Variants in ACTN3 observed in about 807,000 individuals in gnomAD.
ACTN3 encodes alpha-actinin-3.
ACTN3 carries 91 observed loss-of-function variants against 119.6 expected under a neutral mutation model. That is an observed-to-expected ratio of 0.76 (90% CI 0.64 to 0.91). ACTN3 has a LOEUF of 0.91. ACTN3 is among the 40% of genes least tolerant of loss of function. The pLI is 0.00. For synonymous variants in ACTN3, 456 were observed against 478.8 expected, an observed-to-expected ratio of 0.95 and a Z score of 0.62; for missense variants, 1,221 against 1,215.1, an observed-to-expected ratio of 1.00 and a Z score of -0.07.
chr11:66,561,679 G>A (rs767303814), intron 17 of ACTN3, 42 bp downstream of exon 17: 1 of 1,578,806 alleles, frequency 6.3e-7, no homozygotes, highest in African/African-American at 1.3e-5. Context: ...GGCAGCACTG[G>A]CTGAGGAGGC....
Position 66,554,091 on chromosome 11 carries a change from C to T in ACTN3, c.429C>T (p.Thr143=). The T allele has an allele frequency of 6.2e-7, 1 of 1,613,770 alleles. No individual in the cohort carries two copies. The highest frequency in any genetic ancestry group is 1.1e-5 in the South Asian group (1 of 91,050). ...NLKMTLGMIW[T]IILRFAIQDI... ...AGATGACCCTGGGCATGATCTGGAC[C>T]ATCATCCTTCGCTTCGCCATCCAGG... The change falls in exon 4 of 21, where the codon ACC becomes ACT. Residue 143 remains threonine, a synonymous_variant. Coordinates refer to ENST00000513398, the MANE Select transcript of ACTN3 (RefSeq NM_001104.4).
At chr11:66,561,940 AT>A in intron 17 of ACTN3, 81 bp from the exon 18 acceptor site, 6 of 1,516,522 alleles carry the variant, frequency 4.0e-6, no homozygotes, top group Non-Finnish European at 5.4e-6. Context: ...GCCCAGGGTC[AT>A]TCAGTGAACT....
At chr11:66,559,837 C>G in intron 12 of ACTN3, 131 bp from the exon 13 acceptor site, 1 of 929,848 alleles carries the variant, frequency 1.1e-6, no homozygotes, top group Non-Finnish European at 1.7e-6. Flanking sequence ...AAGCACCCAG[C>G]TTTACCCACC....
chr11:66,556,678 T>G (rs1242735415), intron 8 of ACTN3, among the ~76,000 whole-genome samples: 1 of 152,140 alleles, frequency 6.6e-6, no homozygotes, highest in African/African-American at 2.4e-5. Context: ...CTCAAGTAAC[T>G]CACCCACCTC....
intron 3 of ACTN3, among the ~76,000 whole-genome samples, chr11:66,552,718 A>G (rs1184436880): frequency 1.3e-5 from 2 of 151,822 alleles, no homozygotes; most frequent in African/African-American, 4.8e-5. Context: ...TTTGCTGGGC[A>G]TGGTGGCGCA....
In ACTN3 at chr11:66,562,454, A is replaced by T. The variant is rs1417506230; in HGVS notation, c.2388+132A>T. On this transcript the variant is annotated intron_variant, in intron 19 of 20. Transcript: ENST00000513398. ...CACTACATCCACACAGGGGCTAGCAAGGCTCAGGGAGGTAAAACTCACTTG... is the reference window on the plus strand; with the variant it reads ...CACTACATCCACACAGGGGCTAGCATGGCTCAGGGAGGTAAAACTCACTTG... The T allele has an allele frequency of 6.4e-6, 7 of 1,095,224 alleles. No homozygotes were observed. The African/African-American group carries it at 1.1e-4, about 17-fold the overall frequency. 67.8% of individuals were successfully genotyped at this position (1,095,224 alleles called of 1,614,324 possible).
rs1354852586 is a variant in ACTN3, at chr11:66,562,925, G to C, written c.2518G>C (p.Ala840Pro). ...GACTGACACGACTGAGCAAGTTGTAGCTTCCTTCAAGATCTTGGCAGGAGA... is the reference window on the plus strand; with the variant it reads ...GACTGACACGACTGAGCAAGTTGTACCTTCCTTCAAGATCTTGGCAGGAGA... ...AETDTTEQVV[A>P]SFKILAGDKN... Residue 840 changes from alanine to proline, a missense_variant, in exon 20 of 21, where the codon GCT (alanine) becomes CCT (proline). Ala to Pro is a conservative substitution (Grantham distance 27). Coordinates refer to ENST00000513398, the MANE Select transcript of ACTN3 (RefSeq NM_001104.4). 1 of 1,613,606 alleles carries C rather than the reference G, an allele frequency of 6.2e-7. No individual in the cohort carries two copies. The highest frequency in any genetic ancestry group is 8.5e-7 in the Non-Finnish European group (1 of 1,179,722).
rs1857739733 is a variant in ACTN3 at position 66,560,769 on chromosome 11, G to A, written c.1860+14G>A. On this transcript the variant is annotated intron_variant, in intron 15 of 20. Transcript: ENST00000513398. ...AAGTGGGATATGGTCAGTGCCACCTGCAGCCTTCCTCCCACCCCCTCCTGC... is the reference window on the plus strand; with the variant it reads ...AAGTGGGATATGGTCAGTGCCACCTACAGCCTTCCTCCCACCCCCTCCTGC... The A allele has an allele frequency of 1.3e-6, 2 of 1,595,672 alleles. No individual in the cohort carries two copies. Among genetic ancestry groups the A allele is most frequent in the Non-Finnish European group, 1.7e-6 (2 of 1,167,186 alleles).
intron 14 of ACTN3, 113 bp downstream of exon 14, chr11:66,560,424 C>T (rs1053511121): frequency 5.9e-5 from 88 of 1,484,716 alleles, no homozygotes; most frequent in Non-Finnish European, 7.7e-5. Flanking sequence ...AACCCCAGTT[C>T]CCGAGTGCTG....
rs566035397 is a variant in ACTN3 at position 66,555,435 on chromosome 11, C to T, written c.718+68C>T. 7.8e-4 allele frequency: 1,174 copies of T among 1,512,176 alleles called. 8 individuals are homozygous for T. Among genetic ancestry groups the T allele is most frequent in the Middle Eastern group, 5.1e-4 (3 of 5,828 alleles). 93.7% of individuals were successfully genotyped at this position (1,512,176 alleles called of 1,614,324 possible). On this transcript the variant is annotated intron_variant, in intron 7 of 20. Transcript: ENST00000513398. ...ACTGGGCCTGGTACAACCTCCACAC[C>T]TTTGCACGGCCCTTTCCTCCTCCTG...
At chr11:66,555,043 T>G in intron 5 of ACTN3, 87 bp from the exon 6 acceptor site, 1 of 1,193,352 alleles carries the variant, frequency 8.4e-7, no homozygotes, top group Non-Finnish European at 1.2e-6. Flanking sequence ...CAGATGAGGC[T>G]GTCCTTCTGG....
In ACTN3 at chr11:66,557,707, G is replaced by C. The variant is rs1168968221; in HGVS notation, c.906G>C (p.Glu302Asp). 1.2e-6 allele frequency: 2 copies of C among 1,610,546 alleles called. No homozygotes were observed. The highest frequency in any genetic ancestry group is 1.3e-5 in the African/African-American group (1 of 74,880). The change falls in exon 10 of 21, where the codon GAG becomes GAC. Residue 302 changes from glutamate to aspartate, a missense_variant. Around this residue, in one of 3 missense-constraint regions of ACTN3, gnomAD observed 934 missense variants for 899.9 expected, o/e 1.04. Coordinates refer to ENST00000513398, the MANE Select transcript of ACTN3 (RefSeq NM_001104.4). ...EYEKLASELL[E>D]WIRRTVPWLE... is the part of the protein sequence containing the mutation. ...CTGCCTGGCCCTGTCAGCTGCTGGA[G>C]TGGATCCGCCGCACTGTCCCATGGC...
At position 66,559,367 on chromosome 11, in the gene ACTN3, G is replaced by A. The variant is rs369615114; in HGVS notation, c.1408G>A (p.Ala470Thr). Residue 470 changes from alanine (A) to threonine (T), a missense_variant, in exon 12 of 21, where the codon GCG becomes ACG. By Grantham distance (58) the Ala-to-Thr change is moderately conservative. Around this residue, in one of 3 missense-constraint regions of ACTN3, gnomAD observed 934 missense variants for 899.9 expected, o/e 1.04. Transcript: ENST00000513398. ...CCAGGACCGCGTGGAGCACATTGCC[G>A]CGCTGGCCCAGGAGCTCAAGTAGGC... ...AHQDRVEHIAALAQELNELDY... is the reference protein window; with the variant it reads ...AHQDRVEHIATLAQELNELDY... 7.7e-6 allele frequency: 12 copies of A among 1,551,944 alleles called. No homozygotes were observed. Among genetic ancestry groups the A allele is most frequent in the Non-Finnish European group, 8.7e-6 (10 of 1,154,858 alleles).
Position 66,551,311 on chromosome 11 carries a change from C to T in ACTN3, c.220C>T (p.Arg74Cys), listed in dbSNP as rs780052561. The T allele has an allele frequency of 1.9e-6, 3 of 1,611,584 alleles. No homozygotes were observed. The highest frequency in any genetic ancestry group is 1.7e-5 in the Admixed American group (1 of 59,648). The change falls in exon 2 of 21, where the codon CGC becomes TGC. Residue 74 changes from arginine to cysteine, a missense_variant. Arg to Cys is a radical substitution (Grantham distance 180). Around this residue, in one of 3 missense-constraint regions of ACTN3, gnomAD observed 239 missense variants for 231.8 expected, o/e 1.03. Coordinates refer to ENST00000513398, the MANE Select transcript of ACTN3 (RefSeq NM_001104.4). ...TQIENIEEDF[R>C]NGLKLMLLLE... ...GATCGAGAACATCGAGGAAGATTTC[C>T]GCAATGGCCTCAAACTCATGCTGCT...
At position 66,561,514 on chromosome 11, in the gene ACTN3, G is replaced by C; in HGVS notation, c.2052G>C (p.Gly684=). ...GCTCTCTGGAGGAGCAGATGGCTGG[G>C]CTACGGCAGCAGGAGCAGAACATTA... ...LAGSLEEQMA[G]LRQQEQNIIN... is the part of the protein sequence containing the mutation. The change falls in exon 17 of 21, where the codon GGG becomes GGC. Residue 684 remains glycine, a synonymous_variant. Coordinates refer to ENST00000513398, the MANE Select transcript of ACTN3 (RefSeq NM_001104.4). 6.2e-7 allele frequency: 1 copy of C among 1,606,582 alleles called. No homozygotes were observed. The highest frequency in any genetic ancestry group is 8.5e-7 in the Non-Finnish European group (1 of 1,176,636).
chr11:66,560,261 G>C lies in ACTN3; in HGVS notation c.1627G>C (p.Val543Leu). 2 of 1,613,270 alleles carry C rather than the reference G, an allele frequency of 1.2e-6. No individual in the cohort carries two copies. The highest frequency in any genetic ancestry group is 1.1e-5 in the South Asian group (1 of 90,844). ...CTTCAACAACTGGCTGGATGGTGCC[G>C]TGGAGGACCTGCAGGACGTGTGGCT... ...APFNNWLDGA[V>L]EDLQDVWLVH... is the part of the protein sequence containing the mutation. Residue 543 changes from valine to leucine, a missense_variant, in exon 14 of 21, where the codon GTG becomes CTG. Val to Leu is a conservative substitution (Grantham distance 32). Around this residue, in one of 3 missense-constraint regions of ACTN3, gnomAD observed 934 missense variants for 899.9 expected, o/e 1.04. Transcript: ENST00000513398.
At chr11:66,554,456 CAAA>C (rs574346914) in intron 4 of ACTN3, 77 bp from the exon 5 acceptor site, 5,914 of 837,830 alleles carry the variant, frequency 7.1e-3, no homozygotes, top group South Asian at 0.015. Context: ...GACCCTGTCT[CAAA>C]AAAAAAAAAA....
intron 9 of ACTN3, among the ~76,000 whole-genome samples, 193 bp downstream of exon 9, chr11:66,557,418 A>G (rs1214669871): frequency 1.3e-5 from 2 of 151,946 alleles, no homozygotes; most frequent in Non-Finnish European, 2.9e-5. Flanking sequence ...TCATTGATTC[A>G]CTCATCATTC....
chr11:66,560,112 G>A lies in ACTN3; in HGVS notation c.1536+36G>A, dbSNP rs769686928. 8 of 1,546,972 alleles carry A rather than the reference G, an allele frequency of 5.2e-6. No individual in the cohort carries two copies. In the South Asian group the frequency reaches 8.3e-5, roughly 16 times the overall value. The stretch of plus-strand genomic sequence containing the variant: ...GGGCCGGGGAGCTGGGGGGTGGGTA[G>A]GTGGGTGAGGCCAGGTCTGCAGGGC... On this transcript the variant is annotated intron_variant, in intron 13 of 20. Transcript: ENST00000513398.
Sources: gnomAD v4.1 joint callset for allele counts (sites outside exome capture counted in the v4.1 genomes callset) on GRCh38, gnomAD v4.1.1 for gene constraint, gnomAD v4.1.1 regional missense constraint, MANE v1.5 for transcripts, NCBI Gene and HGNC (gene_info 2026-07-23, HGNC 2026-07-21) for gene names.